The following FHOD3 variants were observed in gnomAD, a reference collection of about 807,000 sequenced individuals.
The protein encoded by FHOD3 is formin homology 2 domain containing 3, also known as FH1/FH2 domain-containing protein 3.
In FHOD3, 90 loss-of-function variants were observed where a neutral mutation model predicts 173.0. The observed-to-expected ratio is 0.52, with a 90% CI of 0.44 to 0.62. The LOEUF (loss-of-function observed/expected upper bound fraction) is 0.62, where lower values mean the gene tolerates loss of function less well. FHOD3 is among the 20% of genes least tolerant of loss of function. The pLI, the probability that FHOD3 is intolerant of heterozygous loss-of-function variation, is 0.00. For synonymous variants in FHOD3, 828 were observed against 823.0 expected (o/e 1.01, Z -0.10); for missense variants, 1,945 against 2,034.7 (o/e 0.96, Z 0.85).
chr18:36,475,751 T>TACACACACAC (rs58982535), intron 3 of FHOD3, among the ~76,000 whole-genome samples: 40 of 143,070 alleles, frequency 2.8e-4, no homozygotes, highest in African/African-American at 6.1e-4. Context: ...TATAGAAACA[T>TACACACACAC]ACACACACAC....
intron 6 of FHOD3, among the ~76,000 whole-genome samples, chr18:36,578,386 A>G (rs2058733195): frequency 6.6e-6 from 1 of 152,128 alleles, no homozygotes; most frequent in Non-Finnish European, 1.5e-5. Context: ...AAAGCATGGG[A>G]AAAACCCACC....
At chr18:36,618,601 C>T (rs889958565) in intron 9 of FHOD3, among the ~76,000 whole-genome samples, 3 of 152,050 alleles carry the variant, frequency 2.0e-5, no homozygotes, top group South Asian at 2.1e-4. Context: ...CGTGAGCCAC[C>T]GCACCTGGCC....
At chr18:36,771,414 G>A (rs1380481423) in intron 28 of FHOD3, among the ~76,000 whole-genome samples, 1 of 152,136 alleles carries the variant, frequency 6.6e-6, no homozygotes, top group Non-Finnish European at 1.5e-5. Context: ...CATTTCCTGT[G>A]GTTTTAATTT....
intron 3 of FHOD3, among the ~76,000 whole-genome samples, chr18:36,491,045 C>T (rs1195905792): frequency 6.6e-6 from 1 of 152,128 alleles, no homozygotes; most frequent in Middle Eastern, 3.2e-3. Flanking sequence ...TGGAGGGAAA[C>T]CACTGTGGAT....
intron 24 of FHOD3, among the ~76,000 whole-genome samples, chr18:36,747,603 C>G (rs995085115): frequency 6.6e-6 from 1 of 152,206 alleles, no homozygotes; most frequent in African/African-American, 2.4e-5. Context: ...TGAGGGAGGT[C>G]CAAGCTCCAT....
In FHOD3 at chr18:36,780,126, G is replaced by C; in HGVS notation, c.*596G>C. The C allele has an allele frequency of 8.1e-7, 1 of 1,232,026 alleles. No homozygotes were observed. Among genetic ancestry groups the C allele is most frequent in the Non-Finnish European group, 1.0e-6 (1 of 987,982 alleles). The allele number at this position is 1,232,026 out of a possible 1,614,324, so 76.3% of individuals were successfully genotyped here. A position where few individuals can be genotyped will look rare whatever the true frequency, so the allele number is the denominator to read the frequency against. ...TCCACAGGCTCGCCTCTTCAGAATG[G>C]CAAAACTCTTCTCAGTGTCCTCAGA... On this transcript the variant is annotated 3_prime_UTR_variant, in exon 29 of 29. Transcript: ENST00000590592.
chr18:36,447,159 G>A (rs1474120640), intron 3 of FHOD3, among the ~76,000 whole-genome samples: 1 of 152,186 alleles, frequency 6.6e-6, no homozygotes. Flanking sequence ...CAACCTCCAG[G>A]AAGAGTTGAG....
Position 36,759,142 on chromosome 18 carries a change from G to A in FHOD3, c.4449+1G>A. On this transcript the variant is annotated splice_donor_variant, in intron 26 of 28. Transcript: ENST00000590592. LOFTEE classifies it high-confidence loss of function. ...GACTGATGAGGAGGAGGAAGTTGAG[G>A]TATGACCATTTATGAACATGAAGAA... 6.5e-7 allele frequency: 1 copy of A among 1,535,826 alleles called. No individual in the cohort carries two copies. Among genetic ancestry groups the A allele is most frequent in the Non-Finnish European group, 8.7e-7 (1 of 1,146,680 alleles).
chr18:36,413,090 C>T (rs1029723995), intron 3 of FHOD3, among the ~76,000 whole-genome samples: 2 of 152,326 alleles, frequency 1.3e-5, no homozygotes, highest in Admixed American at 6.5e-5. Flanking sequence ...CATTTAGGCA[C>T]CCTGGTTTTC....
intron 10 of FHOD3, among the ~76,000 whole-genome samples, chr18:36,645,435 A>G (rs914229456): frequency 6.6e-6 from 1 of 152,142 alleles, no homozygotes; most frequent in East Asian, 1.9e-4. Context: ...CTCAAAAAAA[A>G]AGGAAGGATG....
chr18:36,670,881 G>C (rs565135882), intron 14 of FHOD3, among the ~76,000 whole-genome samples: 12 of 152,282 alleles, frequency 7.9e-5, no homozygotes, highest in Non-Finnish European at 7.4e-5. Context: ...AGCTTTGTTA[G>C]GCAGGACCAG....
intron 27 of FHOD3, among the ~76,000 whole-genome samples, chr18:36,768,870 A>G (rs1240585832): frequency 6.6e-6 from 1 of 152,192 alleles, no homozygotes; most frequent in Non-Finnish European, 1.5e-5. Flanking sequence ...GATGTGCATC[A>G]CCGGATATTG....
rs190249223 is a variant in FHOD3, at chr18:36,734,143, C to A, written c.3576+3339C>A. ...GCAATTTGAAGTGAGGAGACACAGC[C>A]ACAGGAAACACTGGTAGCCCTTACT... On this transcript the variant is annotated intron_variant, in intron 20 of 28. Coordinates refer to ENST00000590592, the MANE Select transcript of FHOD3 (RefSeq NM_001281740.3). Among the ~76,000 whole-genome samples, 336 of 152,284 alleles carry A rather than the reference C, an allele frequency of 2.2e-3. 1 individual carries two copies. The highest frequency in any genetic ancestry group is 7.7e-3 in the African/African-American group (319 of 41,558).
At chr18:36,629,018 T>C (rs550281117) in intron 10 of FHOD3, among the ~76,000 whole-genome samples, 1 of 152,362 alleles carries the variant, frequency 6.6e-6, no homozygotes, top group East Asian at 1.9e-4. Flanking sequence ...TTGAACTTCA[T>C]TTAGTCACTA....
chr18:36,458,978 CA>C, intron 3 of FHOD3, among the ~76,000 whole-genome samples: 1 of 152,264 alleles, frequency 6.6e-6, no homozygotes, highest in Non-Finnish European at 1.5e-5. Context: ...CTGCTTTGCC[CA>C]GGGGTGGCTT....
At chr18:36,740,628 A>T in intron 20 of FHOD3, 28 bp from the exon 21 acceptor site, 1 of 1,583,652 alleles carries the variant, frequency 6.3e-7, no homozygotes, top group East Asian at 2.3e-5. Context: ...ACTAAGAGAA[A>T]ATATACTATA....
intron 14 of FHOD3, among the ~76,000 whole-genome samples, chr18:36,664,083 C>T (rs1386477689): frequency 1.3e-5 from 2 of 151,728 alleles, no homozygotes; most frequent in Non-Finnish European, 2.9e-5. Flanking sequence ...CAACCCAATA[C>T]TTAAAAAAAA....
intron 5 of FHOD3, among the ~76,000 whole-genome samples, chr18:36,536,370 A>T (rs936225698): frequency 2.0e-5 from 3 of 152,214 alleles, no homozygotes; most frequent in African/African-American, 7.2e-5. Context: ...TGCTCTGTGT[A>T]TTTGAGTAAT....
chr18:36,647,597 T>C (rs185226436), intron 10 of FHOD3, among the ~76,000 whole-genome samples: 4 of 152,318 alleles, frequency 2.6e-5, no homozygotes, highest in Non-Finnish European at 4.4e-5. Flanking sequence ...CATCCCAAGA[T>C]ATAGTACACA....
Sources: allele counts gnomAD v4.1 joint callset (sites outside exome capture counted in the v4.1 genomes callset), GRCh38; gene constraint gnomAD v4.1.1; transcripts MANE v1.5; gene names NCBI Gene and HGNC (gene_info 2026-07-23, HGNC 2026-07-21).